Variants in CROT observed in about 807,000 individuals in gnomAD.
CROT encodes carnitine O-octanoyltransferase, also known as peroxisomal carnitine O-octanoyltransferase.
Under a neutral mutation model 89.2 loss-of-function variants are expected in CROT, and 84 were observed. The ratio of observed to expected loss-of-function variants is 0.94; its 90% CI spans 0.79 to 1.13. The LOEUF is 1.13. CROT is among the 50% of genes most tolerant of loss of function. The pLI, the probability that CROT is intolerant of heterozygous loss-of-function variation, is 0.00. For synonymous variants in CROT, 212 were observed against 239.5 expected (o/e 0.89, Z 1.06); for missense variants, 711 against 727.8 (o/e 0.98, Z 0.27).
At chr7:87,350,256 T>C (rs183465975) in intron 3 of CROT, among the ~76,000 whole-genome samples, 21 of 152,120 alleles carry the variant, frequency 1.4e-4, no homozygotes, top group Admixed American at 1.3e-3. Flanking sequence ...ATCAGGAACA[T>C]AATATTCAGT....
intron 6 of CROT, among the ~76,000 whole-genome samples, chr7:87,362,646 T>G (rs1806320682): frequency 6.6e-6 from 1 of 152,112 alleles, no homozygotes; most frequent in East Asian, 1.9e-4. Context: ...TCATCAATTT[T>G]TTTTTTTAAA....
intron 3 of CROT, chr7:87,354,381 A>G (rs762039763): frequency 1.9e-6 from 1 of 518,678 alleles, no homozygotes; most frequent in Non-Finnish European, 3.9e-6. Context: ...AAACCTGATG[A>G]AAAAAGTGCT....
chr7:87,356,886 G>A (rs975461830), intron 3 of CROT, among the ~76,000 whole-genome samples: 13 of 152,310 alleles, frequency 8.5e-5, no homozygotes, highest in African/African-American at 3.1e-4. Flanking sequence ...GCTGGGCGTG[G>A]TGGTGGGCAC....
intron 3 of CROT, among the ~76,000 whole-genome samples, chr7:87,355,976 C>T (rs1271161789): frequency 6.6e-6 from 1 of 152,010 alleles, no homozygotes; most frequent in Non-Finnish European, 1.5e-5. Context: ...AATCATTCCA[C>T]AATTTTATTT....
At position 87,369,361 on chromosome 7, in the gene CROT, T is replaced by C. The variant is rs751492505; in HGVS notation, c.548-15T>C. 6.4e-7 allele frequency: 1 copy of C among 1,572,230 alleles called. No homozygotes were observed. Among genetic ancestry groups the C allele is most frequent in the South Asian group, 1.2e-5 (1 of 86,086 alleles). On this transcript the variant is annotated splice_polypyrimidine_tract_variant and intron_variant, in intron 6 of 17. Coordinates refer to ENST00000331536, the MANE Select transcript of CROT (RefSeq NM_021151.4). ...CCTTAGATTTGAGTCTTGTGTTTTC[T>C]GTTTCTGTTTCCAGAGAGTGAAGGG... is the stretch of plus-strand genomic sequence containing the variant.
At chr7:87,362,212 G>A (rs1806300199) in intron 6 of CROT, among the ~76,000 whole-genome samples, 1 of 150,864 alleles carries the variant, frequency 6.6e-6, no homozygotes, top group Non-Finnish European at 1.5e-5. Context: ...CTTTTTGAGT[G>A]TTTACTTATA....
chr7:87,361,347 G>A (rs554709981), intron 4 of CROT, 43 bp from the exon 5 acceptor site: 3 of 1,533,090 alleles, frequency 2.0e-6, no homozygotes, highest in Non-Finnish European at 2.7e-6. Flanking sequence ...ACACATTCAT[G>A]TATTATGAAG....
At chr7:87,394,064 T>A (rs1056666304) in intron 17 of CROT, among the ~76,000 whole-genome samples, 11 of 152,166 alleles carry the variant, frequency 7.2e-5, no homozygotes, top group African/African-American at 2.7e-4. Context: ...TATATGAACA[T>A]AAGCCCTTAC....
Position 87,377,416 on chromosome 7 carries a change from C to T in CROT, c.944C>T (p.Ser315Phe). 1.2e-6 allele frequency: 2 copies of T among 1,610,768 alleles called. No individual in the cohort carries two copies. Among genetic ancestry groups the T allele is most frequent in the East Asian group, 2.2e-5 (1 of 44,730 alleles). Residue 315 changes from serine to phenylalanine, a missense_variant, in exon 10 of 18, where the codon TCC becomes TTC. Physicochemically the swap from Ser to Phe is radical, Grantham distance 155. Coordinates refer to ENST00000331536, the MANE Select transcript of CROT (RefSeq NM_021151.4). ...GGTGACAAATCCTATAACTTGATTT[C>T]CTTTTCTAATGGAGTATTTGGCTGT... The part of the protein sequence containing the change: ...RWGDKSYNLI[S>F]FSNGVFGCNC...
At position 87,366,557 on chromosome 7, in the gene CROT, A is replaced by G. The variant is rs574806830; in HGVS notation, c.548-2819A>G. 4.6e-5 allele frequency among the ~76,000 whole-genome samples: 7 copies of G among 152,288 alleles called. No individual in the cohort carries two copies. In the South Asian group the frequency reaches 1.5e-3, roughly 32 times the overall value. Reference sequence around the variant, plus strand: ...CTCATTTCCTTCAGTTTATAGCTCTAGGAAACTACATCTTTCAGTACTCCA... The same window carrying G: ...CTCATTTCCTTCAGTTTATAGCTCTGGGAAACTACATCTTTCAGTACTCCA... On this transcript the variant is annotated intron_variant, in intron 6 of 17. Transcript: ENST00000331536.
intron 13 of CROT, among the ~76,000 whole-genome samples, chr7:87,387,596 A>G (rs1270978156): frequency 1.3e-5 from 2 of 152,148 alleles, no homozygotes; most frequent in Admixed American, 1.3e-4. Context: ...CATTTTGTAT[A>G]TGTATTATAT....
chr7:87,372,634 C>A (rs1372259990), intron 7 of CROT, among the ~76,000 whole-genome samples: 4 of 152,146 alleles, frequency 2.6e-5, no homozygotes, highest in Non-Finnish European at 5.9e-5. Context: ...TGACAACTAC[C>A]AATCTACTTT....
At chr7:87,365,323 T>C (rs1562930917) in intron 6 of CROT, among the ~76,000 whole-genome samples, 1 of 152,112 alleles carries the variant, frequency 6.6e-6, no homozygotes, top group Non-Finnish European at 1.5e-5. Flanking sequence ...ACCCCATCTC[T>C]ACTAAAAATA....
intron 3 of CROT, chr7:87,354,275 TC>T (rs2115807750): frequency 2.1e-6 from 1 of 472,380 alleles, no homozygotes; most frequent in South Asian, 1.5e-5. Flanking sequence ...AATTATACAA[TC>T]TTGTTTCTTA....
intron 3 of CROT, among the ~76,000 whole-genome samples, chr7:87,351,308 CAAAAA>C (rs11295263): frequency 5.9e-5 from 4 of 67,522 alleles, no homozygotes; most frequent in East Asian, 8.8e-4. Context: ...GACTCCATCT[CAAAAA>C]AAAAAAAAAA....
At chr7:87,376,015 T>C (rs769432090) in intron 9 of CROT, 62 bp downstream of exon 9, 4 of 1,470,410 alleles carry the variant, frequency 2.7e-6, no homozygotes, top group Non-Finnish European at 3.6e-6. Flanking sequence ...TCATATTTAT[T>C]GAACATGGAA....
intron 6 of CROT, among the ~76,000 whole-genome samples, chr7:87,367,095 T>C (rs952512824): frequency 6.6e-6 from 1 of 152,194 alleles, no homozygotes; most frequent in Admixed American, 6.5e-5. Context: ...ATCCCTGAAA[T>C]TGTTAATATG....
chr7:87,378,595 C>T lies in CROT; in HGVS notation c.978+1145C>T, dbSNP rs115058114. On this transcript the variant is annotated intron_variant, in intron 10 of 17. Transcript: ENST00000331536. ...CCAATGTGATTGTTGTACCAACAGT[C>T]TCATATCTTCATAGCTTTCTTCATA... is the stretch of plus-strand genomic sequence containing the variant. Among the ~76,000 whole-genome samples the T allele has an allele frequency of 3.7e-3, 567 of 152,286 alleles. 3 individuals are homozygous for T. Among genetic ancestry groups the T allele is most frequent in the African/African-American group, 0.013 (538 of 41,554 alleles).
rs571399522 is a variant in CROT at position 87,365,825 on chromosome 7, C to T, written c.548-3551C>T. ...TTTGCCATGTTGCCCAGGCTGGTCT[C>T]GAACTCCTGAGCTCAAGCAATCTGC... is the stretch of plus-strand genomic sequence containing the variant. On this transcript the variant is annotated intron_variant, in intron 6 of 17. Coordinates refer to ENST00000331536, the MANE Select transcript of CROT (RefSeq NM_021151.4). Among the ~76,000 whole-genome samples, 20 of 151,906 alleles carry T rather than the reference C, an allele frequency of 1.3e-4. No individual in the cohort carries two copies. The South Asian group carries it at 3.9e-3, about 30-fold the overall frequency.
Sources: allele counts gnomAD v4.1 joint callset (sites outside exome capture counted in the v4.1 genomes callset), GRCh38; gene constraint gnomAD v4.1.1; transcripts MANE v1.5; gene names NCBI Gene and HGNC (gene_info 2026-07-23, HGNC 2026-07-21).